Variants in STXBP6 observed in about 807,000 individuals in gnomAD.
STXBP6 encodes the protein syntaxin binding protein 6.
A neutral mutation model predicts 26.9 loss-of-function variants in STXBP6; 21 were observed. The ratio of observed to expected loss-of-function variants is 0.78; its 90% CI spans 0.55 to 1.12. The LOEUF (loss-of-function observed/expected upper bound fraction) is 1.12, where lower values mean the gene tolerates loss of function less well. Among genes scored for constraint, STXBP6 ranks in the 50% most tolerant of loss-of-function variants. The pLI, the probability that STXBP6 is intolerant of heterozygous loss-of-function variation, is 0.00. For missense variants in STXBP6, 232 were observed against 257.9 expected, an observed-to-expected ratio of 0.90 and a Z score of 0.69; for synonymous variants, 97 against 92.6, an observed-to-expected ratio of 1.05 and a Z score of -0.27.
chr14:24,835,676 T>TA (rs1322352286), intron 4 of STXBP6, among the ~76,000 whole-genome samples: 1 of 152,184 alleles, frequency 6.6e-6, no homozygotes, highest in African/African-American at 2.4e-5. Context: ...TAGGTGCTAT[T>TA]AAAAAATAGG....
In STXBP6 at chr14:24,927,248, A is replaced by G. The variant is rs1444060666; in HGVS notation, c.154+47417T>C. On this transcript the variant is annotated intron_variant, in intron 2 of 5. Transcript: ENST00000323944. The stretch of plus-strand genomic sequence containing the variant: ...CTTCTCCGTGGTATTCCACACTTCT[A>G]TACTGGCCTTGTTCCCTGGCTCACT... 2.6e-5 allele frequency among the ~76,000 whole-genome samples: 4 copies of G among 152,152 alleles called. No homozygotes were observed. In the South Asian group the frequency reaches 6.2e-4, roughly 24 times the overall value.
chr14:25,015,648 G>A (rs191955956), intron 1 of STXBP6, among the ~76,000 whole-genome samples: 2 of 152,184 alleles, frequency 1.3e-5, no homozygotes, highest in African/African-American at 4.8e-5. Flanking sequence ...GTGCACCAAT[G>A]ACTATTAATA....
At chr14:24,931,570 C>T (rs190154104) in intron 2 of STXBP6, among the ~76,000 whole-genome samples, 5 of 152,182 alleles carry the variant, frequency 3.3e-5, no homozygotes, top group South Asian at 2.1e-4. Flanking sequence ...CAACTAATTC[C>T]CTCATATTTA....
intron 1 of STXBP6, among the ~76,000 whole-genome samples, chr14:25,006,980 T>A (rs2140358516): frequency 6.6e-6 from 1 of 152,278 alleles, no homozygotes; most frequent in Admixed American, 6.5e-5. Context: ...AGTTACCCCA[T>A]ACCAGCCTCC....
At chr14:24,892,627 T>G (rs2070833243) in intron 2 of STXBP6, among the ~76,000 whole-genome samples, 2 of 152,046 alleles carry the variant, frequency 1.3e-5, no homozygotes, top group Non-Finnish European at 2.9e-5. Context: ...CCATGAGCAT[T>G]CGGAGCAGAC....
At chr14:25,026,626 T>C (rs2075354418) in intron 1 of STXBP6, among the ~76,000 whole-genome samples, 1 of 152,198 alleles carries the variant, frequency 6.6e-6, no homozygotes, top group African/African-American at 2.4e-5. Flanking sequence ...ATTTTGGAAT[T>C]AGAGAGAGGA....
intron 5 of STXBP6, among the ~76,000 whole-genome samples, chr14:24,818,369 C>T (rs559679907): frequency 6.6e-6 from 1 of 152,252 alleles, no homozygotes; most frequent in East Asian, 1.9e-4. Context: ...CAGTTCTCAG[C>T]GAGTATGAGA....
rs1288170497 is a variant in STXBP6, at chr14:24,812,325, T to C, written c.*384A>G. On this transcript the variant is annotated 3_prime_UTR_variant, in exon 6 of 6. Coordinates refer to ENST00000323944, the MANE Select transcript of STXBP6 (RefSeq NM_001394410.1). ...CATTAAAATGCCTTCCTGCTTAATA[T>C]CAGAGAAAAAAATACATGTTGCCAG... is the stretch of plus-strand genomic sequence containing the variant. The C allele has an allele frequency of 1.1e-5, 2 of 174,324 alleles. No individual in the cohort carries two copies. Among genetic ancestry groups the C allele is most frequent in the Non-Finnish European group, 2.4e-5 (2 of 81,688 alleles). The allele number at this position is 174,324 out of a possible 1,614,324, so 10.8% of individuals were successfully genotyped here. A position where few individuals can be genotyped will look rare whatever the true frequency, so the allele number is the denominator to read the frequency against.
chr14:24,889,617 T>C lies in STXBP6; in HGVS notation c.155-32460A>G, dbSNP rs1441133981. On this transcript the variant is annotated intron_variant, in intron 2 of 5. Coordinates refer to ENST00000323944, the MANE Select transcript of STXBP6 (RefSeq NM_001394410.1). ...AGAATACCCAGAAAAGAAAAAAGTG[T>C]ACTTACATATTATATGTATGTGTGT... Among the ~76,000 whole-genome samples, 4 of 151,958 alleles carry C rather than the reference T, an allele frequency of 2.6e-5. No homozygotes were observed. The South Asian group carries it at 8.3e-4, about 32-fold the overall frequency.
At chr14:24,997,926 C>T (rs938463490) in intron 1 of STXBP6, among the ~76,000 whole-genome samples, 1 of 152,000 alleles carries the variant, frequency 6.6e-6, no homozygotes, top group Non-Finnish European at 1.5e-5. Context: ...TTTCTTTATA[C>T]AAATATGTCA....
At chr14:25,048,342 A>C (rs1315371726) in intron 1 of STXBP6, among the ~76,000 whole-genome samples, 1 of 152,232 alleles carries the variant, frequency 6.6e-6, no homozygotes. Context: ...GTTTGACAGA[A>C]GAGAAAACTT....
intron 5 of STXBP6, among the ~76,000 whole-genome samples, chr14:24,814,135 T>C (rs4097492): frequency 0.068 from 10,282 of 152,284 alleles, 414 homozygotes; most frequent in Middle Eastern, 0.11. Context: ...GTGCCCAGGC[T>C]GTCCTGCTGA....
chr14:25,030,360 C>T (rs567675646), intron 1 of STXBP6, among the ~76,000 whole-genome samples: 3 of 152,288 alleles, frequency 2.0e-5, no homozygotes, highest in South Asian at 4.1e-4. Context: ...CATCAACTCA[C>T]CAGGAGAGCC....
intron 1 of STXBP6, among the ~76,000 whole-genome samples, chr14:25,002,560 C>A (rs1295433683): frequency 6.6e-6 from 1 of 151,822 alleles, no homozygotes; most frequent in East Asian, 1.9e-4. Flanking sequence ...GGGGTTTCAC[C>A]AGGTTAACCA....
chr14:25,043,932 G>A (rs1407321792), intron 1 of STXBP6, among the ~76,000 whole-genome samples: 1 of 152,058 alleles, frequency 6.6e-6, no homozygotes, highest in Non-Finnish European at 1.5e-5. Flanking sequence ...TAATCCCAGA[G>A]GTCAAGGCAG....
At chr14:25,037,372 A>G (rs928074730) in intron 1 of STXBP6, among the ~76,000 whole-genome samples, 3 of 152,126 alleles carry the variant, frequency 2.0e-5, no homozygotes, top group Non-Finnish European at 2.9e-5. Flanking sequence ...AGGGAAAGGA[A>G]AAGGCAAGAC....
chr14:24,910,543 C>T (rs1461271938), intron 2 of STXBP6, among the ~76,000 whole-genome samples: 1 of 152,154 alleles, frequency 6.6e-6, no homozygotes, highest in Non-Finnish European at 1.5e-5. Context: ...GACTGTCTAC[C>T]ATAAGAGAGG....
chr14:25,045,264 T>A (rs982898281), intron 1 of STXBP6, among the ~76,000 whole-genome samples: 12 of 152,156 alleles, frequency 7.9e-5, no homozygotes, highest in Non-Finnish European at 1.5e-4. Flanking sequence ...GTACTTCTCA[T>A]AGTCTTTGAT....
intron 2 of STXBP6, among the ~76,000 whole-genome samples, chr14:24,919,594 C>T (rs1451716776): frequency 6.6e-6 from 1 of 151,342 alleles, no homozygotes; most frequent in Non-Finnish European, 1.5e-5. Context: ...TCTGCTCCTA[C>T]TTGGTATCTA....
Sources: gnomAD v4.1 joint callset for allele counts (sites outside exome capture counted in the v4.1 genomes callset) on GRCh38, gnomAD v4.1.1 for gene constraint, MANE v1.5 for transcripts, NCBI Gene and HGNC (gene_info 2026-07-23, HGNC 2026-07-21) for gene names.